Variants in DLEU7 observed in about 807,000 individuals in gnomAD.
The protein encoded by DLEU7 is leukemia-associated protein 7.
A neutral mutation model predicts 16.0 loss-of-function variants in DLEU7; 17 were observed. That is an observed-to-expected ratio of 1.06 (90% CI 0.73 to 1.59). The LOEUF (loss-of-function observed/expected upper bound fraction) is 1.59, where lower values mean the gene tolerates loss of function less well. Ranked by LOEUF, DLEU7 falls within the 40% of genes most tolerant of loss-of-function variation. The pLI, the probability that DLEU7 is intolerant of heterozygous loss-of-function variation, is 0.00. For missense variants in DLEU7, 308 were observed against 314.9 expected (o/e 0.98, Z 0.17); for synonymous variants, 113 against 139.8 (o/e 0.81, Z 1.35).
chr13:50,795,082 G>GTGAA (rs1441020192), intron 1 of DLEU7, among the ~76,000 whole-genome samples: 4 of 152,030 alleles, frequency 2.6e-5, no homozygotes, highest in African/African-American at 4.8e-5. Context: ...GCCCCAAGGT[G>GTGAA]TGAAATCCTT....
intron 1 of DLEU7, among the ~76,000 whole-genome samples, chr13:50,749,220 C>T (rs892028665): frequency 2.0e-5 from 3 of 152,054 alleles, no homozygotes; most frequent in Non-Finnish European, 2.9e-5. Flanking sequence ...GCCATTAATT[C>T]ATTCCTTTTT....
At chr13:50,783,269 G>A (rs545059828) in intron 1 of DLEU7, among the ~76,000 whole-genome samples, 10 of 152,120 alleles carry the variant, frequency 6.6e-5, no homozygotes, top group African/African-American at 2.2e-4. Flanking sequence ...CTTCCCTTTT[G>A]TGCCCCCAGA....
chr13:50,818,121 T>C (rs1876789171), downstream of DLEU7, among the ~76,000 whole-genome samples: 1 of 152,178 alleles, frequency 6.6e-6, no homozygotes, highest in African/African-American at 2.4e-5. Context: ...ATGTGACTTT[T>C]TTCAGAGTTA....
intron 1 of DLEU7, among the ~76,000 whole-genome samples, chr13:50,782,254 C>G (rs1334359996): frequency 1.3e-5 from 2 of 152,190 alleles, no homozygotes; most frequent in Non-Finnish European, 2.9e-5. Context: ...AGTACAGTGA[C>G]TGGCATGGTT....
Position 50,816,807 on chromosome 13 carries a change from A to G in DLEU7, c.459+26381T>C, listed in dbSNP as rs989869433. Among the ~76,000 whole-genome samples, 6 of 152,234 alleles carry G rather than the reference A, an allele frequency of 3.9e-5. No homozygotes were observed. In the South Asian group the frequency reaches 1.2e-3, roughly 32 times the overall value. On this transcript the variant is annotated intron_variant, in intron 1 of 1. Transcript: ENST00000400393. ...CCCAAGGACATTAATTTTCCAGATT[A>G]TCCCACTGCTTTCTTCATGTTTGGG...
At position 50,833,711 on chromosome 13, in the gene DLEU7, G is replaced by A. The variant is rs572334970; in HGVS notation, c.459+9477C>T. ...TCTACTTTAAATTTCATATGGAACC[G>A]AAAAGAGCCTGCATAGCCAAGACAA... On this transcript the variant is annotated intron_variant, in intron 1 of 1. Transcript: ENST00000504404. 5.1e-4 allele frequency among the ~76,000 whole-genome samples: 78 copies of A among 152,082 alleles called. No homozygotes were observed. In the South Asian group the frequency reaches 0.013, roughly 26 times the overall value.
At chr13:50,746,196 A>G (rs2137729175) in intron 1 of DLEU7, among the ~76,000 whole-genome samples, 1 of 152,358 alleles carries the variant, frequency 6.6e-6, no homozygotes, top group Admixed American at 6.5e-5. Flanking sequence ...CATTTGTTAA[A>G]ACAAACAAAT....
intron 1 of DLEU7, among the ~76,000 whole-genome samples, chr13:50,779,639 C>T (rs907371084): frequency 1.3e-5 from 2 of 152,120 alleles, no homozygotes; most frequent in Non-Finnish European, 2.9e-5. Flanking sequence ...GGTGCAATCC[C>T]TTCTGGATGT....
Position 50,776,197 on chromosome 13 carries a change from A to G in DLEU7, c.460-62957T>C, listed in dbSNP as rs371293501. Among the ~76,000 whole-genome samples the G allele has an allele frequency of 1.4e-4, 22 of 152,220 alleles. No homozygotes were observed. In the East Asian group the frequency reaches 2.5e-3, roughly 17 times the overall value. On this transcript the variant is annotated intron_variant, in intron 1 of 1. Coordinates refer to the DLEU7 transcript ENST00000400393. The stretch of plus-strand genomic sequence containing the variant: ...CAGTCAGTTGACTTCTACTCTTGGT[A>G]GATGGTATCATTGTATGTTTGAGTT...
intron 1 of DLEU7, among the ~76,000 whole-genome samples, chr13:50,749,075 G>A (rs867026728): frequency 1.3e-4 from 15 of 116,628 alleles, no homozygotes; most frequent in Middle Eastern, 8.3e-3. Context: ...AAAATCCATT[G>A]TACCATTCTT....
intron 1 of DLEU7, among the ~76,000 whole-genome samples, chr13:50,743,177 GC>G (rs61638342): frequency 0.092 from 13,989 of 151,714 alleles, 662 homozygotes; most frequent in East Asian, 0.15. Context: ...AAAGAAAAAG[GC>G]AGGCAGGCAG....
intron 1 of DLEU7, among the ~76,000 whole-genome samples, chr13:50,838,874 G>A (rs766751342): frequency 3.9e-5 from 6 of 152,296 alleles, no homozygotes; most frequent in Non-Finnish European, 7.4e-5. Flanking sequence ...CACTGCGGAC[G>A]GGCCATGTGA....
At chr13:50,725,454 T>A (rs1873739167) in intron 1 of DLEU7, among the ~76,000 whole-genome samples, 1 of 152,174 alleles carries the variant, frequency 6.6e-6, no homozygotes, top group Non-Finnish European at 1.5e-5. Flanking sequence ...TCTGTGTGCA[T>A]GGAGCTCCTG....
At chr13:50,728,403 T>A (rs1873825678) in intron 1 of DLEU7, among the ~76,000 whole-genome samples, 1 of 152,216 alleles carries the variant, frequency 6.6e-6, no homozygotes, top group Non-Finnish European at 1.5e-5. Flanking sequence ...GTTCTAGAAT[T>A]TAAAATCTAA....
At chr13:50,770,882 T>G (rs1875285194) in intron 1 of DLEU7, among the ~76,000 whole-genome samples, 1 of 152,228 alleles carries the variant, frequency 6.6e-6, no homozygotes, top group Non-Finnish European at 1.5e-5. Flanking sequence ...AATTTGGCTG[T>G]GAATCCGTCT....
At chr13:50,729,058 ATG>A (rs1873844376) in intron 1 of DLEU7, among the ~76,000 whole-genome samples, 1 of 138,320 alleles carries the variant, frequency 7.2e-6, no homozygotes, top group Non-Finnish European at 1.7e-5. Context: ...TCAGAGAGAC[ATG>A]TGCAGGTTTG....
At chr13:50,770,898 T>C (rs1875286626) in intron 1 of DLEU7, among the ~76,000 whole-genome samples, 1 of 152,234 alleles carries the variant, frequency 6.6e-6, no homozygotes, top group South Asian at 2.1e-4. Flanking sequence ...CGTCTGGTCC[T>C]GGACTTTTTT....
At chr13:50,807,010 C>T (rs1876410535) in intron 1 of DLEU7, among the ~76,000 whole-genome samples, 1 of 148,666 alleles carries the variant, frequency 6.7e-6, no homozygotes, top group South Asian at 2.1e-4. Flanking sequence ...TCGGTCTGCT[C>T]CTCTGCCTTT....
chr13:50,819,048 A>G (rs1011757198), downstream of DLEU7, among the ~76,000 whole-genome samples: 1 of 152,204 alleles, frequency 6.6e-6, no homozygotes, highest in Admixed American at 6.5e-5. Flanking sequence ...TTTTGGGGCC[A>G]CCATTTAGCC....
Sources: gnomAD v4.1 joint callset for allele counts (sites outside exome capture counted in the v4.1 genomes callset) on GRCh38, gnomAD v4.1.1 for gene constraint, MANE v1.5 for transcripts, NCBI Gene and HGNC (gene_info 2026-07-23, HGNC 2026-07-21) for gene names.